Variants in HDGFL3 observed in about 807,000 individuals in gnomAD.
The protein encoded by HDGFL3 is HDGF like 3, also known as hepatoma-derived growth factor-related protein 3.
In HDGFL3, 6 loss-of-function variants were observed where a neutral mutation model predicts 27.6. The ratio of observed to expected loss-of-function variants is 0.22; its 90% CI spans 0.12 to 0.43. The LOEUF is 0.43. HDGFL3 is among the 20% of genes least tolerant of loss of function. The pLI is 1.00. For synonymous variants in HDGFL3, 88 were observed against 88.9 expected, an observed-to-expected ratio of 0.99 and a Z score of 0.05; for missense variants, 207 against 250.1, an observed-to-expected ratio of 0.83 and a Z score of 1.16.
intron 1 of HDGFL3, among the ~76,000 whole-genome samples, chr15:83,202,524 T>G (rs1277522345): frequency 6.6e-6 from 1 of 152,074 alleles, no homozygotes; most frequent in Non-Finnish European, 1.5e-5. Flanking sequence ...AATAGGAAGA[T>G]GCAGCTTGGT....
rs936034485 is a variant in HDGFL3, at chr15:83,139,172, G to T, written c.*98C>A. 2.8e-6 allele frequency: 2 copies of T among 709,324 alleles called. No individual in the cohort carries two copies. The highest frequency in any genetic ancestry group is 1.8e-5 in the African/African-American group (1 of 54,542). The allele number at this position is 709,324 out of a possible 1,614,324, so 43.9% of individuals were successfully genotyped here. The stretch of plus-strand genomic sequence containing the variant: ...ACTGGGGTTCTGTCAATGACAACAA[G>T]GACTATGTGTTGGTTCATATCAAAT... On this transcript the variant is annotated 3_prime_UTR_variant, in exon 6 of 6. Transcript: ENST00000299633.
At chr15:83,168,183 C>G (rs780684219) in intron 1 of HDGFL3, among the ~76,000 whole-genome samples, 1 of 152,094 alleles carries the variant, frequency 6.6e-6, no homozygotes, top group Non-Finnish European at 1.5e-5. Context: ...GTTCACAGTG[C>G]TAAACACCAA....
intron 3 of HDGFL3, chr15:83,115,848 A>G (rs1253242856): frequency 6.2e-7 from 1 of 1,611,988 alleles, no homozygotes; most frequent in Admixed American, 1.7e-5. Context: ...GCTCTAGTGT[A>G]TGCAGTTTTT....
exon 4 of HDGFL3, chr15:83,113,863 G>A (rs2151338837): frequency 6.6e-6 from 1 of 152,388 alleles, no homozygotes; most frequent in South Asian, 2.1e-4. Context: ...TGGCTGAGAT[G>A]AGGCATAGGG....
rs1470383436 is a variant in HDGFL3 at position 83,157,215 on chromosome 15, C to T, written c.459+200G>A. Reference sequence around the variant, plus strand: ...AAAGGTGGTATTTTCAGGGCCAAATCAGCCCTAAAGAGTCAATAGTCAGAT... The same window carrying T: ...AAAGGTGGTATTTTCAGGGCCAAATTAGCCCTAAAGAGTCAATAGTCAGAT... On this transcript the variant is annotated intron_variant, in intron 4 of 5. Coordinates refer to ENST00000299633, the MANE Select transcript of HDGFL3 (RefSeq NM_016073.4). The T allele has an allele frequency of 5.1e-6, 3 of 592,870 alleles. No homozygotes were observed. In the East Asian group the frequency reaches 8.6e-5, roughly 17 times the overall value. The allele number at this position is 592,870 out of a possible 1,614,324, so 36.7% of individuals were successfully genotyped here.
chr15:83,200,293 C>T (rs1435864358), intron 1 of HDGFL3, among the ~76,000 whole-genome samples: 2 of 151,810 alleles, frequency 1.3e-5, no homozygotes, highest in African/African-American at 4.8e-5. Flanking sequence ...GGAGATCCCG[C>T]CACTGCACTC....
intron 2 of HDGFL3, among the ~76,000 whole-genome samples, chr15:83,163,112 G>A (rs1459843335): frequency 6.6e-6 from 1 of 152,200 alleles, no homozygotes; most frequent in Admixed American, 6.5e-5. Context: ...ATGATGTACA[G>A]TAAGTCCACA....
chr15:83,142,598 C>G (rs2036798493), intron 5 of HDGFL3, among the ~76,000 whole-genome samples: 1 of 151,994 alleles, frequency 6.6e-6, no homozygotes, highest in South Asian at 2.1e-4. Context: ...AGGGTAACAA[C>G]AAACACCTGT....
intron 1 of HDGFL3, among the ~76,000 whole-genome samples, chr15:83,195,059 A>T (rs1351564236): frequency 6.6e-6 from 1 of 152,200 alleles, no homozygotes; most frequent in East Asian, 1.9e-4. Context: ...CAAAAACTAC[A>T]TTTCAATATC....
At chr15:83,182,305 A>G (rs1033409254) in intron 1 of HDGFL3, among the ~76,000 whole-genome samples, 8 of 152,170 alleles carry the variant, frequency 5.3e-5, no homozygotes, top group Non-Finnish European at 1.0e-4. Context: ...TTAACAAACT[A>G]AAGTGTTATA....
Position 83,130,139 on chromosome 15 carries a change from TG to T in HDGFL3, c.*9130del. On this transcript the variant is annotated 3_prime_UTR_variant, in exon 6 of 6. Coordinates refer to ENST00000299633, the MANE Select transcript of HDGFL3 (RefSeq NM_016073.4). Reference sequence around the variant, plus strand: ...CAGGCTGGTTAAAGAGACCAGATGTTGGACCTGGTCAAGTCTCAGGAGACAA... The same window carrying T: ...CAGGCTGGTTAAAGAGACCAGATGTTGACCTGGTCAAGTCTCAGGAGACAA... 1 of 152,378 alleles carries T rather than the reference TG, an allele frequency of 6.6e-6. No homozygotes were observed. Among genetic ancestry groups the T allele is most frequent in the East Asian group, 1.9e-4 (1 of 5,192 alleles). 9.4% of individuals were successfully genotyped at this position (152,378 alleles called of 1,614,324 possible). A position where few individuals can be genotyped will look rare whatever the true frequency, so the allele number is the denominator to read the frequency against.
Position 83,157,411 on chromosome 15 carries a change from T to C in HDGFL3, c.459+4A>G. Reference sequence around the variant, plus strand: ...TTAATAACAATGAGAAGTTTCTTAGTAACCTTTGAAGTATATGACTTTTTC... The same window carrying C: ...TTAATAACAATGAGAAGTTTCTTAGCAACCTTTGAAGTATATGACTTTTTC... On this transcript the variant is annotated splice_donor_region_variant and intron_variant, in intron 4 of 5. Transcript: ENST00000299633. 1.2e-6 allele frequency: 2 copies of C among 1,611,690 alleles called. No individual in the cohort carries two copies. Among genetic ancestry groups the C allele is most frequent in the Non-Finnish European group, 1.7e-6 (2 of 1,178,170 alleles).
intron 1 of HDGFL3, among the ~76,000 whole-genome samples, chr15:83,201,112 G>A (rs2037640095): frequency 1.3e-5 from 2 of 151,608 alleles, no homozygotes; most frequent in African/African-American, 4.8e-5. Context: ...ATTATTTTAC[G>A]TATTAGGACC....
At chr15:83,145,236 T>A (rs1158207692) in intron 5 of HDGFL3, among the ~76,000 whole-genome samples, 1 of 152,124 alleles carries the variant, frequency 6.6e-6, no homozygotes, top group Non-Finnish European at 1.5e-5. Context: ...CCTGAACTCA[T>A]ATCCCCAGTC....
chr15:83,194,095 G>A lies in HDGFL3; in HGVS notation c.84+13236C>T, dbSNP rs77579595. ...CCTACTCCAAAGAACAGAATGTAGG[G>A]TCTTTAAGAGATAGTTGTACATTCA... On this transcript the variant is annotated intron_variant, in intron 1 of 5. Transcript: ENST00000299633. Among the ~76,000 whole-genome samples, 1,068 of 152,250 alleles carry A rather than the reference G, an allele frequency of 7.0e-3. 7 individuals are homozygous for A. Among genetic ancestry groups the A allele is most frequent in the Admixed American group, 0.011 (161 of 15,296 alleles).
intron 1 of HDGFL3, among the ~76,000 whole-genome samples, chr15:83,177,813 TACA>T (rs932346861): frequency 6.6e-6 from 1 of 152,238 alleles, no homozygotes; most frequent in Non-Finnish European, 1.5e-5. Context: ...ACTGGTTTGC[TACA>T]ACAATTTCAT....
chr15:83,187,097 T>C (rs1181383216), intron 1 of HDGFL3, among the ~76,000 whole-genome samples: 3 of 152,066 alleles, frequency 2.0e-5, no homozygotes, highest in African/African-American at 2.4e-5. Context: ...GTCATATATA[T>C]ACACACATAT....
chr15:83,112,876 C>A (rs1481525456), exon 4 of HDGFL3: 2 of 1,614,024 alleles, frequency 1.2e-6, no homozygotes, highest in South Asian at 1.1e-5. Context: ...CAAAAGAAAA[C>A]CACCCCGGGA....
intron 1 of HDGFL3, among the ~76,000 whole-genome samples, chr15:83,173,806 C>A (rs945540651): frequency 6.6e-6 from 1 of 152,058 alleles, no homozygotes; most frequent in East Asian, 1.9e-4. Context: ...GTAACTTAAA[C>A]CCAAGAAAAG....
Sources: allele counts gnomAD v4.1 joint callset (sites outside exome capture counted in the v4.1 genomes callset), GRCh38; gene constraint gnomAD v4.1.1; transcripts MANE v1.5; gene names NCBI Gene and HGNC (gene_info 2026-07-23, HGNC 2026-07-21).